AOX1: variants seen among roughly 807,000 people sequenced by gnomAD.
AOX1 encodes the protein aldehyde oxidase 1.
Under a neutral mutation model 169.5 loss-of-function variants are expected in AOX1, and 153 were observed. The observed-to-expected ratio is 0.90, with a 90% CI of 0.79 to 1.03. The LOEUF (loss-of-function observed/expected upper bound fraction) is 1.03. Ranked by LOEUF, AOX1 falls within the 50% of genes least tolerant of loss-of-function variation. The pLI, the probability that AOX1 is intolerant of heterozygous loss-of-function variation, is 0.00. For synonymous variants in AOX1, 562 were observed against 581.9 expected, an observed-to-expected ratio of 0.97 and a Z score of 0.49; for missense variants, 1,656 against 1,663.9, an observed-to-expected ratio of 1.00 and a Z score of 0.08.
At chr2:200,645,501 G>A (rs566615850) in intron 25 of AOX1, among the ~76,000 whole-genome samples, 6 of 152,200 alleles carry the variant, frequency 3.9e-5, no homozygotes, top group Non-Finnish European at 8.8e-5. Context: ...TAGCATCAAT[G>A]TTCATCAAGG....
At chr2:200,589,261 T>G (rs959539662) in intron 1 of AOX1, among the ~76,000 whole-genome samples, 4 of 152,122 alleles carry the variant, frequency 2.6e-5, no homozygotes, top group African/African-American at 9.7e-5. Context: ...TGAAATCTTA[T>G]TCACTCTACC....
At chr2:200,618,989 AGT>A (rs1389273180) in intron 16 of AOX1, among the ~76,000 whole-genome samples, 4 of 152,214 alleles carry the variant, frequency 2.6e-5, no homozygotes, top group African/African-American at 9.6e-5. Context: ...TGCAGTGAAG[AGT>A]GAGATGAAAT....
intron 10 of AOX1, 59 bp downstream of exon 10, chr2:200,605,687 GC>G: frequency 1.3e-6 from 1 of 761,734 alleles, no homozygotes; most frequent in Non-Finnish European, 2.0e-6. Flanking sequence ...TATTTACCTT[GC>G]CCAGCAGACA....
At position 200,635,629 on chromosome 2, in the gene AOX1, A is replaced by G. The variant is rs186151540; in HGVS notation, c.2346+714A>G. ...CAGCAAGATCAAATGACACCCATTC[A>G]TTTATTTTCTCACCTCTTCTGCAAA... On this transcript the variant is annotated intron_variant, in intron 21 of 34. Transcript: ENST00000374700. Among the ~76,000 whole-genome samples, 21 of 152,252 alleles carry G rather than the reference A, an allele frequency of 1.4e-4. No individual in the cohort carries two copies. The East Asian group carries it at 4.1e-3, about 29-fold the overall frequency.
the AOX1 span, among the ~76,000 whole-genome samples, chr2:200,682,205 CTG>C: frequency 6.6e-6 from 1 of 152,114 alleles, no homozygotes; most frequent in Non-Finnish European, 1.5e-5. Flanking sequence ...ACACTGCCTG[CTG>C]TTTTTATATA....
At chr2:200,657,190 A>ATATATATATATATATTTT in intron 27 of AOX1, among the ~76,000 whole-genome samples, 8 of 62,878 alleles carry the variant, frequency 1.3e-4, no homozygotes, top group African/African-American at 4.7e-4. Flanking sequence ...ATATATATAT[A>ATATATATATATATATTTT]TTTTTTTTTT....
chr2:200,616,417 G>T (rs1358910944), intron 16 of AOX1, among the ~76,000 whole-genome samples: 1 of 152,250 alleles, frequency 6.6e-6, no homozygotes, highest in Admixed American at 6.5e-5. Flanking sequence ...CTGCGGCAAG[G>T]CCATGGGCTG....
At chr2:200,659,786 T>A (rs12693921) in intron 28 of AOX1, among the ~76,000 whole-genome samples, 6,750 of 96,196 alleles carry the variant, frequency 0.07, 229 homozygotes, top group East Asian at 0.33. Flanking sequence ...GTTCTCTCTC[T>A]CACACACACA....
chr2:200,627,405 G>A lies in AOX1; in HGVS notation c.2177G>A (p.Gly726Glu), dbSNP rs746765229. ...SFKPERKLEY[G>E]NVDEAFKVVD... ...AAGCCAGAAAGGAAACTGGAATATG[G>A]AAATGTTGACGAAGCATTTAAAGTG... Residue 726 changes from glycine (G) to glutamate (E), a missense_variant, in exon 20 of 35, where the codon GGA becomes GAA. Transcript: ENST00000374700. 7 of 1,613,934 alleles carry A rather than the reference G, an allele frequency of 4.3e-6. No individual in the cohort carries two copies. The South Asian group carries it at 6.6e-5, about 15-fold the overall frequency.
intron 21 of AOX1, among the ~76,000 whole-genome samples, chr2:200,636,327 T>A (rs1012568007): frequency 6.6e-6 from 1 of 151,668 alleles, no homozygotes; most frequent in Non-Finnish European, 1.5e-5. Flanking sequence ...TGGGGTTTCA[T>A]CATGTTGGCC....
At chr2:200,618,145 A>G (rs1024280447) in intron 16 of AOX1, among the ~76,000 whole-genome samples, 1 of 152,114 alleles carries the variant, frequency 6.6e-6, no homozygotes, top group Admixed American at 6.5e-5. Flanking sequence ...CCTTTATTGA[A>G]TGGAGCCCTG....
intron 23 of AOX1, among the ~76,000 whole-genome samples, chr2:200,639,116 C>G (rs1319755233): frequency 6.6e-6 from 1 of 152,128 alleles, no homozygotes. Context: ...AGCTATATTC[C>G]AAGTGCTCAG....
At chr2:200,663,539 C>T (rs145839735) in intron 31 of AOX1, among the ~76,000 whole-genome samples, 237 of 140,660 alleles carry the variant, frequency 1.7e-3, no homozygotes, top group African/African-American at 6.1e-3. Flanking sequence ...CACACACATA[C>T]ACACAAACAC....
chr2:200,638,055 G>T, intron 22 of AOX1, 160 bp from the exon 23 acceptor site: 1 of 584,162 alleles, frequency 1.7e-6, no homozygotes, highest in Non-Finnish European at 3.1e-6. Context: ...GAAAGCCCAC[G>T]GTGTATGCCT....
intron 26 of AOX1, among the ~76,000 whole-genome samples, chr2:200,652,158 G>A (rs2035592310): frequency 1.3e-5 from 2 of 152,208 alleles, no homozygotes; most frequent in East Asian, 1.9e-4. Flanking sequence ...GCCAGGAAAA[G>A]TGGGTAGGAA....
At chr2:200,595,693 A>G (rs2106367145) in intron 3 of AOX1, among the ~76,000 whole-genome samples, 1 of 151,962 alleles carries the variant, frequency 6.6e-6, no homozygotes, top group East Asian at 1.9e-4. Context: ...CCTTGTCTCT[A>G]AGAAAAAAAA....
chr2:200,662,402 G>T (rs1395160394), intron 30 of AOX1, among the ~76,000 whole-genome samples: 1 of 152,188 alleles, frequency 6.6e-6, no homozygotes, highest in Non-Finnish European at 1.5e-5. Flanking sequence ...GATGGTGAGA[G>T]ACCAGAGTAG....
chr2:200,681,347 T>C (rs1022632287), downstream of AOX1: 1 of 152,688 alleles, frequency 6.5e-6, no homozygotes, highest in African/African-American at 2.4e-5. Flanking sequence ...TGGAGCCCTG[T>C]GTCCTTTGCT....
chr2:200,660,130 G>A, intron 29 of AOX1, 61 bp downstream of exon 29: 2 of 1,349,068 alleles, frequency 1.5e-6, no homozygotes, highest in Admixed American at 1.7e-5. Flanking sequence ...AGGAGAGCAA[G>A]AGCAATGTGC....
Sources: allele counts gnomAD v4.1 joint callset (sites outside exome capture counted in the v4.1 genomes callset), GRCh38; gene constraint gnomAD v4.1.1; transcripts MANE v1.5; gene names NCBI Gene and HGNC (gene_info 2026-07-23, HGNC 2026-07-21).